QKI: variants seen among roughly 807,000 people sequenced by gnomAD.
The protein encoded by QKI is KH domain-containing RNA-binding protein QKI.
Under a neutral mutation model 39.0 loss-of-function variants are expected in QKI, and 10 were observed. The observed-to-expected ratio is 0.26, with a 90% CI of 0.16 to 0.43. The LOEUF (loss-of-function observed/expected upper bound fraction) is 0.43. Among genes scored for constraint, QKI ranks in the 20% least tolerant of loss-of-function variants. The pLI is 1.00. For missense variants in QKI, 218 were observed against 428.0 expected (o/e 0.51, Z 4.33); for synonymous variants, 204 against 155.4 (o/e 1.31, Z -2.33).
At chr6:163,564,747 T>A in intron 6 of QKI, 1 of 1,613,968 alleles carries the variant, frequency 6.2e-7, no homozygotes, top group Non-Finnish European at 8.5e-7. Flanking sequence ...GCAGCTGTTA[T>A]AACACGACCA....
intron 2 of QKI, among the ~76,000 whole-genome samples, chr6:163,467,880 A>G (rs1040340842): frequency 4.6e-5 from 7 of 152,190 alleles, no homozygotes; most frequent in African/African-American, 1.4e-4. Flanking sequence ...ATCTCCAGAT[A>G]AAACCATTGC....
intron 6 of QKI, 172 bp from the exon 7 acceptor site, chr6:163,566,549 A>G (rs1783371228): frequency 2.0e-6 from 3 of 1,472,402 alleles, no homozygotes; most frequent in African/African-American, 2.8e-5. Context: ...TAATAGATGC[A>G]TATATACATG....
chr6:163,495,011 G>A (rs940008955), intron 3 of QKI, among the ~76,000 whole-genome samples: 1 of 151,946 alleles, frequency 6.6e-6, no homozygotes, highest in Non-Finnish European at 1.5e-5. Context: ...TGCCTCCTGG[G>A]TTCAGGCGAT....
intron 3 of QKI, among the ~76,000 whole-genome samples, chr6:163,487,315 A>G (rs1583076783): frequency 2.6e-5 from 4 of 152,214 alleles, no homozygotes; most frequent in Admixed American, 2.6e-4. Flanking sequence ...CTCATTCCCC[A>G]TTGCCTCACT....
intron 1 of QKI, among the ~76,000 whole-genome samples, chr6:163,443,903 G>T (rs1242023955): frequency 6.6e-6 from 1 of 152,152 alleles, no homozygotes; most frequent in East Asian, 1.9e-4. Context: ...TGGGGCATCG[G>T]TTTCATTTTC....
chr6:163,553,072 TTA>T (rs1782358567), intron 4 of QKI, among the ~76,000 whole-genome samples: 1 of 28,436 alleles, frequency 3.5e-5, no homozygotes, highest in Non-Finnish European at 6.9e-5. Context: ...TTTTATTTAT[TTA>T]TTTATTTATT....
At chr6:163,440,599 T>G (rs1018692964) in intron 1 of QKI, among the ~76,000 whole-genome samples, 6 of 152,360 alleles carry the variant, frequency 3.9e-5, no homozygotes, top group African/African-American at 1.4e-4. Flanking sequence ...TTAAGTTATA[T>G]GATGAGATGT....
At chr6:163,447,860 C>T (rs1790267719) in intron 1 of QKI, among the ~76,000 whole-genome samples, 1 of 152,170 alleles carries the variant, frequency 6.6e-6, no homozygotes, top group South Asian at 2.1e-4. Flanking sequence ...GCTTTCTACT[C>T]TCCTAATAGG....
intron 1 of QKI, chr6:163,429,079 A>G (rs919822319): frequency 2.6e-5 from 4 of 152,190 alleles, no homozygotes; most frequent in Non-Finnish European, 5.9e-5. Flanking sequence ...AGCGTAGCAC[A>G]TTGTCTTTGA....
chr6:163,565,293 C>T, intron 6 of QKI: 4 of 986,630 alleles, frequency 4.1e-6, no homozygotes, highest in Non-Finnish European at 4.8e-6. Context: ...CTCTCTGCTG[C>T]ACCCACAGCA....
chr6:163,439,656 CTTTTTTTT>C (rs375640583), intron 1 of QKI, among the ~76,000 whole-genome samples: 3 of 124,250 alleles, frequency 2.4e-5, no homozygotes, highest in Admixed American at 8.4e-5. Context: ...GTCCTGAATC[CTTTTTTTT>C]TTTTTTTTTG....
chr6:163,442,587 T>A (rs1322738374), intron 1 of QKI, among the ~76,000 whole-genome samples: 2 of 152,182 alleles, frequency 1.3e-5, no homozygotes, highest in Non-Finnish European at 2.9e-5. Flanking sequence ...GGGCTTGTGA[T>A]GGTGAAGTGA....
chr6:163,441,415 T>C (rs1402457987), intron 1 of QKI, among the ~76,000 whole-genome samples: 1 of 152,218 alleles, frequency 6.6e-6, no homozygotes, highest in Non-Finnish European at 1.5e-5. Context: ...GAGCTTTGCG[T>C]GTTTTTGTGC....
intron 3 of QKI, among the ~76,000 whole-genome samples, chr6:163,499,542 G>A (rs965122689): frequency 6.6e-6 from 1 of 152,108 alleles, no homozygotes; most frequent in Admixed American, 6.5e-5. Flanking sequence ...AATTTGTTTT[G>A]TTAGCATCAC....
chr6:163,555,245 G>T (rs1782511490), intron 4 of QKI, among the ~76,000 whole-genome samples: 2 of 151,990 alleles, frequency 1.3e-5, no homozygotes, highest in South Asian at 4.2e-4. Context: ...TGGGTTTATT[G>T]GTTATTGGTT....
At chr6:163,525,879 A>G (rs1780484426) in intron 3 of QKI, among the ~76,000 whole-genome samples, 1 of 152,216 alleles carries the variant, frequency 6.6e-6, no homozygotes, top group Non-Finnish European at 1.5e-5. Flanking sequence ...GATTATAATA[A>G]TGCCTACCTC....
chr6:163,513,483 G>A (rs981786179), intron 3 of QKI, among the ~76,000 whole-genome samples: 1 of 152,130 alleles, frequency 6.6e-6, no homozygotes, highest in South Asian at 2.1e-4. Context: ...AACTTATTTC[G>A]TCCTGTCATT....
chr6:163,543,612 G>T (rs531664216), intron 4 of QKI, among the ~76,000 whole-genome samples: 1 of 152,028 alleles, frequency 6.6e-6, no homozygotes, highest in Non-Finnish European at 1.5e-5. Context: ...AAGCTTTTTG[G>T]CGGGTTTGAA....
chr6:163,564,779 T>G, intron 6 of QKI: 1 of 1,611,782 alleles, frequency 6.2e-7, no homozygotes. Flanking sequence ...ACAAACTGTT[T>G]CTGTGCAACC....
Sources: gnomAD v4.1 joint callset for allele counts (sites outside exome capture counted in the v4.1 genomes callset) on GRCh38, gnomAD v4.1.1 for gene constraint, MANE v1.5 for transcripts, NCBI Gene and HGNC (gene_info 2026-07-23, HGNC 2026-07-21) for gene names.